The following NCAM2 variants were observed in gnomAD, a reference collection of about 807,000 sequenced individuals.
The protein encoded by NCAM2 is N-CAM-2.
Under a neutral mutation model 98.1 loss-of-function variants are expected in NCAM2, and 30 were observed. That is an observed-to-expected ratio of 0.31 (90% CI 0.23 to 0.41). The LOEUF (loss-of-function observed/expected upper bound fraction) is 0.41. Ranked by LOEUF, NCAM2 falls within the 10% of genes least tolerant of loss-of-function variation. The probability of loss-of-function intolerance (pLI) is 1.00; values close to 1 mark genes in which losing one functional copy is unlikely to be tolerated. For synonymous variants in NCAM2, 368 were observed against 342.4 expected (o/e 1.07, Z -0.83); for missense variants, 867 against 1,005.8 (o/e 0.86, Z 1.87).
intron 11 of NCAM2, among the ~76,000 whole-genome samples, chr21:21,429,440 T>A (rs1332957561): frequency 2.0e-5 from 3 of 152,150 alleles, no homozygotes; most frequent in Admixed American, 1.3e-4. Context: ...TTGACACATG[T>A]CCCCAAACTG....
chr21:21,297,181 T>C (rs1003888301), intron 5 of NCAM2, among the ~76,000 whole-genome samples: 1 of 151,720 alleles, frequency 6.6e-6, no homozygotes, highest in African/African-American at 2.4e-5. Context: ...ATATATTTTA[T>C]ATTGAGCCTG....
In NCAM2 at chr21:21,295,391, G is replaced by A. The variant is rs2073440718; in HGVS notation, c.619+3150G>A. 4.0e-5 allele frequency among the ~76,000 whole-genome samples: 6 copies of A among 151,404 alleles called. No individual in the cohort carries two copies. The South Asian group carries it at 1.2e-3, about 31-fold the overall frequency. ...TTCTTAATGTGTTTTTCAATGCCTG[G>A]GTATTGTTTTTCACAAATATTCTTC... On this transcript the variant is annotated intron_variant, in intron 5 of 17. Coordinates refer to ENST00000400546, the MANE Select transcript of NCAM2 (RefSeq NM_004540.5).
intron 13 of NCAM2, among the ~76,000 whole-genome samples, chr21:21,467,543 A>G (rs547232868): frequency 2.0e-5 from 3 of 151,458 alleles, no homozygotes; most frequent in Non-Finnish European, 2.9e-5. Context: ...TCCATTCCCA[A>G]TGCTGGTGGT....
chr21:21,172,532 G>C (rs1339421940), intron 1 of NCAM2, among the ~76,000 whole-genome samples: 1 of 152,036 alleles, frequency 6.6e-6, no homozygotes, highest in African/African-American at 2.4e-5. Flanking sequence ...ATATTGCATA[G>C]TTTTAGTCAT....
At chr21:21,230,475 A>T (rs1314313371) in intron 1 of NCAM2, among the ~76,000 whole-genome samples, 1 of 151,400 alleles carries the variant, frequency 6.6e-6, no homozygotes, top group Non-Finnish European at 1.5e-5. Flanking sequence ...AGGCCCAAAG[A>T]TACTAAAGCA....
At chr21:20,998,868 A>T (rs543037133) in intron 1 of NCAM2, among the ~76,000 whole-genome samples, 1 of 152,214 alleles carries the variant, frequency 6.6e-6, no homozygotes, top group East Asian at 1.9e-4. Context: ...ATATCCAGGG[A>T]AACCGCTTCT....
At chr21:21,362,299 A>C (rs2047525830) in intron 8 of NCAM2, among the ~76,000 whole-genome samples, 1 of 152,160 alleles carries the variant, frequency 6.6e-6, no homozygotes, top group Non-Finnish European at 1.5e-5. Context: ...TAATAGTCTC[A>C]TATAATTTGG....
intron 1 of NCAM2, among the ~76,000 whole-genome samples, chr21:21,273,376 A>G (rs1381861235): frequency 2.0e-5 from 3 of 152,186 alleles, no homozygotes; most frequent in Middle Eastern, 3.2e-3. Context: ...TAAGGGATAC[A>G]TGGTAGAAGA....
chr21:21,364,050 A>T (rs1217809642), intron 8 of NCAM2, among the ~76,000 whole-genome samples: 1 of 152,030 alleles, frequency 6.6e-6, no homozygotes, highest in Non-Finnish European at 1.5e-5. Context: ...CAAAAAGCAA[A>T]ATCAAAACTG....
At chr21:21,171,258 G>A (rs544897283) in intron 1 of NCAM2, among the ~76,000 whole-genome samples, 166 of 152,256 alleles carry the variant, frequency 1.1e-3, no homozygotes, top group African/African-American at 3.8e-3. Context: ...TGCCTATGCA[G>A]CAATGTTCAG....
chr21:21,530,313 TATAATTAAATTAAATTAAATTATAC>T (rs750917946), intron 16 of NCAM2, among the ~76,000 whole-genome samples: 62,807 of 117,020 alleles, frequency 0.54, 16,236 homozygotes, highest in African/African-American at 0.59. Context: ...TTAAATTATA[TATAATTAAATTAAATTAAATTATAC>T]ATAATTAAAT....
intron 1 of NCAM2, among the ~76,000 whole-genome samples, chr21:21,244,913 T>G (rs12627587): frequency 0.99 from 149,523 of 150,808 alleles, 74,140 homozygotes; most frequent in East Asian, 1. Context: ...TAACTTCATT[T>G]AATATCTGTT....
At chr21:21,191,203 C>T (rs1193207277) in intron 1 of NCAM2, among the ~76,000 whole-genome samples, 1 of 152,128 alleles carries the variant, frequency 6.6e-6, no homozygotes, top group Non-Finnish European at 1.5e-5. Context: ...ACTGCATGAC[C>T]TGTTTGCCCT....
At chr21:21,108,902 C>G (rs1286003574) in intron 1 of NCAM2, among the ~76,000 whole-genome samples, 2 of 152,132 alleles carry the variant, frequency 1.3e-5, no homozygotes, top group African/African-American at 4.8e-5. Context: ...ATCAACCCCA[C>G]TATTTGCTAA....
intron 1 of NCAM2, among the ~76,000 whole-genome samples, chr21:21,060,327 T>C (rs2065295917): frequency 6.6e-6 from 1 of 152,102 alleles, no homozygotes; most frequent in South Asian, 2.1e-4. Context: ...TATGCAAACA[T>C]ATTATGTTTT....
chr21:21,207,955 G>T (rs911094720), intron 1 of NCAM2, among the ~76,000 whole-genome samples: 1 of 152,066 alleles, frequency 6.6e-6, no homozygotes, highest in African/African-American at 2.4e-5. Flanking sequence ...AGTTAATTGT[G>T]CTTTTTAATG....
At chr21:21,338,249 G>A in intron 7 of NCAM2, 140 bp from the exon 8 acceptor site, 1 of 750,786 alleles carries the variant, frequency 1.3e-6, no homozygotes, top group Non-Finnish European at 2.0e-6. Flanking sequence ...ACGTCTGTAA[G>A]GCAAAGCAGG....
chr21:21,440,851 A>G (rs1250568434), intron 12 of NCAM2, among the ~76,000 whole-genome samples: 4 of 152,326 alleles, frequency 2.6e-5, no homozygotes, highest in East Asian at 1.9e-4. Context: ...AGCTACATGT[A>G]CTTACCAAGC....
intron 1 of NCAM2, among the ~76,000 whole-genome samples, chr21:21,157,836 A>T (rs1188156603): frequency 6.6e-6 from 1 of 152,086 alleles, no homozygotes; most frequent in Non-Finnish European, 1.5e-5. Flanking sequence ...TTCTTGTTTT[A>T]TTTCTAGCCC....
Sources: allele counts gnomAD v4.1 joint callset (sites outside exome capture counted in the v4.1 genomes callset), GRCh38; gene constraint gnomAD v4.1.1; transcripts MANE v1.5; gene names NCBI Gene and HGNC (gene_info 2026-07-23, HGNC 2026-07-21).